DRD2: variants seen among roughly 807,000 people sequenced by gnomAD.
DRD2 encodes the protein dopamine receptor D2.
DRD2 carries 8 observed loss-of-function variants against 38.0 expected under a neutral mutation model. That is an observed-to-expected ratio of 0.21 (90% confidence interval 0.12 to 0.38). The LOEUF is 0.38. Ranked by LOEUF, DRD2 falls within the 10% of genes least tolerant of loss-of-function variation. DRD2 has a pLI of 1.00. For missense variants in DRD2, 403 were observed against 607.7 expected (o/e 0.66, Z 3.54); for synonymous variants, 230 against 238.6 (o/e 0.96, Z 0.33).
rs1591285612 is a variant in DRD2 at position 113,432,729 on chromosome 11, C to A, written c.-31-8047G>T. On this transcript the variant is annotated intron_variant, in intron 1 of 7. Transcript: ENST00000362072. ...TGGGTAAGAGGTTCCTTTCCAGGAC[C>A]CTGGCGATATAGGCCACCTGCCCCT... Among the ~76,000 whole-genome samples, 9 of 152,190 alleles carry A rather than the reference C, an allele frequency of 5.9e-5. No homozygotes were observed. In the South Asian group the frequency reaches 1.9e-3, roughly 32 times the overall value.
At chr11:113,442,040 C>T (rs542886449) in intron 1 of DRD2, among the ~76,000 whole-genome samples, 34 of 151,954 alleles carry the variant, frequency 2.2e-4, no homozygotes, top group Non-Finnish European at 3.4e-4. Flanking sequence ...TTAAAGATAA[C>T]GCACTGAAAT....
At position 113,420,258 on chromosome 11, in the gene DRD2, C is replaced by G. The variant is rs1188067440; in HGVS notation, c.286-2122G>C. On this transcript the variant is annotated intron_variant, in intron 2 of 7. Transcript: ENST00000362072. ...CTACAAACACTTATTGAGCAAATTA[C>G]TGTGTTCCAGCCTCTATCCTAGGCT... Among the ~76,000 whole-genome samples, 4 of 152,218 alleles carry G rather than the reference C, an allele frequency of 2.6e-5. No individual in the cohort carries two copies. In the East Asian group the frequency reaches 7.7e-4, roughly 29 times the overall value.
In DRD2 at chr11:113,415,120, G is replaced by A. The variant is rs530836367; in HGVS notation, c.723+301C>T. On this transcript the variant is annotated intron_variant, in intron 5 of 7. Transcript: ENST00000362072. ...GTGAGACAGAGAAACCAGAAAAGAG[G>A]AAGAGAGGAGCCCACGGGGGTACCA... Among the ~76,000 whole-genome samples, 86 of 152,190 alleles carry A rather than the reference G, an allele frequency of 5.7e-4. 2 individuals are homozygous for A. The South Asian group carries it at 0.017, about 29-fold the overall frequency.
intron 1 of DRD2, among the ~76,000 whole-genome samples, chr11:113,432,009 T>C (rs1461420063): frequency 6.6e-6 from 1 of 152,104 alleles, no homozygotes; most frequent in African/African-American, 2.4e-5. Context: ...AGATGAGGTA[T>C]GGAAGGGGCT....
At chr11:113,437,148 A>G (rs909737334) in intron 1 of DRD2, among the ~76,000 whole-genome samples, 1 of 152,212 alleles carries the variant, frequency 6.6e-6, no homozygotes, top group East Asian at 1.9e-4. Context: ...GCCAGGCACC[A>G]CGTGAAGTGC....
At chr11:113,421,694 G>GA (rs1204767973) in intron 2 of DRD2, among the ~76,000 whole-genome samples, 2 of 152,176 alleles carry the variant, frequency 1.3e-5, no homozygotes, top group African/African-American at 4.8e-5. Context: ...GGAACAGGAG[G>GA]AAAAAATCTG....
intron 2 of DRD2, among the ~76,000 whole-genome samples, chr11:113,418,804 G>A (rs1450542759): frequency 6.6e-6 from 1 of 152,160 alleles, no homozygotes; most frequent in Non-Finnish European, 1.5e-5. Context: ...AATCTGCCCT[G>A]CCTTGCACTT....
chr11:113,459,293 C>T (rs923762594), intron 1 of DRD2, among the ~76,000 whole-genome samples: 11 of 152,128 alleles, frequency 7.2e-5, no homozygotes, highest in Non-Finnish European at 1.6e-4. Flanking sequence ...AAAATGAACA[C>T]CTTAATAGAA....
chr11:113,473,952 T>C (rs1951452044), intron 1 of DRD2, among the ~76,000 whole-genome samples: 1 of 152,214 alleles, frequency 6.6e-6, no homozygotes. Flanking sequence ...AGGATTGGCC[T>C]AAAAGGTTTG....
At chr11:113,423,316 C>T (rs929418996) in intron 2 of DRD2, among the ~76,000 whole-genome samples, 1 of 152,014 alleles carries the variant, frequency 6.6e-6, no homozygotes, top group Non-Finnish European at 1.5e-5. Context: ...TGCTCTGTCG[C>T]CCAGGCTGGA....
intron 1 of DRD2, among the ~76,000 whole-genome samples, chr11:113,455,001 G>GT (rs1263362873): frequency 6.6e-6 from 1 of 152,144 alleles, no homozygotes; most frequent in Non-Finnish European, 1.5e-5. Flanking sequence ...ATACTTAAAT[G>GT]TAACACTTGA....
At chr11:113,472,276 C>G (rs1436701834) in intron 1 of DRD2, among the ~76,000 whole-genome samples, 1 of 152,184 alleles carries the variant, frequency 6.6e-6, no homozygotes, top group Non-Finnish European at 1.5e-5. Context: ...GAGATGGAAA[C>G]CATTCTCTCC....
chr11:113,445,099 A>C (rs765497861), intron 1 of DRD2, among the ~76,000 whole-genome samples: 1 of 152,200 alleles, frequency 6.6e-6, no homozygotes, highest in Non-Finnish European at 1.5e-5. Context: ...TTCTGAAAAC[A>C]CCTGACCAGC....
chr11:113,456,964 C>T (rs1301204516), intron 1 of DRD2, among the ~76,000 whole-genome samples: 2 of 152,178 alleles, frequency 1.3e-5, no homozygotes, highest in Non-Finnish European at 2.9e-5. Flanking sequence ...TGCACACATC[C>T]GACCTGCAGC....
rs3935565 is a variant in DRD2, at chr11:113,474,655, G to A, written c.-32+421C>T. Among the ~76,000 whole-genome samples, 1,474 of 152,106 alleles carry A rather than the reference G, an allele frequency of 9.7e-3. 33 individuals carry two copies. Among genetic ancestry groups the A allele is most frequent in the African/African-American group, 0.034 (1,407 of 41,516 alleles). On this transcript the variant is annotated intron_variant, in intron 1 of 7. Transcript: ENST00000362072. Reference sequence around the variant, plus strand: ...GCCCTTCTTCCTCCGGAAGAAGTCGGAAACTCTGGCCGCGAGCCCCGGGTC... The same window carrying A: ...GCCCTTCTTCCTCCGGAAGAAGTCGAAAACTCTGGCCGCGAGCCCCGGGTC...
chr11:113,471,144 A>G (rs1951420455), intron 1 of DRD2, among the ~76,000 whole-genome samples: 1 of 152,254 alleles, frequency 6.6e-6, no homozygotes, highest in Non-Finnish European at 1.5e-5. Flanking sequence ...TGCTGACACT[A>G]TAATCAAGCT....
chr11:113,463,912 T>C (rs1180443269), intron 1 of DRD2, among the ~76,000 whole-genome samples: 1 of 152,120 alleles, frequency 6.6e-6, no homozygotes, highest in Non-Finnish European at 1.5e-5. Flanking sequence ...CTGGGCTCTG[T>C]TTTAAAAGCT....
chr11:113,417,949 A>T lies in DRD2; in HGVS notation c.395+78T>A, dbSNP rs1950842486. ...GCACAGCATCACAGACACGAGACAC[A>T]GCCTGGCTTTGAGAAAAGCTGGGGC... On this transcript the variant is annotated intron_variant, in intron 3 of 7. Transcript: ENST00000362072. 22 of 1,188,946 alleles carry T rather than the reference A, an allele frequency of 1.9e-5. No homozygotes were observed. The South Asian group carries it at 2.7e-4, about 15-fold the overall frequency. 73.6% of individuals were successfully genotyped at this position (1,188,946 alleles called of 1,614,324 possible).
rs571103952 is a variant in DRD2 at position 113,459,076 on chromosome 11, G to A, written c.-32+16000C>T. Among the ~76,000 whole-genome samples the A allele has an allele frequency of 2.0e-5, 3 of 152,326 alleles. No homozygotes were observed. In the East Asian group the frequency reaches 5.8e-4, roughly 29 times the overall value. Reference sequence around the variant, plus strand: ...AACAGCTTCAGTTCTCACCACCTGTGTGGCCTTGATTAACACTTTACTTTC... The same window carrying A: ...AACAGCTTCAGTTCTCACCACCTGTATGGCCTTGATTAACACTTTACTTTC... On this transcript the variant is annotated intron_variant, in intron 1 of 7. Coordinates refer to ENST00000362072, the MANE Select transcript of DRD2 (RefSeq NM_000795.4).
Sources: gnomAD v4.1 joint callset for allele counts (sites outside exome capture counted in the v4.1 genomes callset) on GRCh38, gnomAD v4.1.1 for gene constraint, MANE v1.5 for transcripts, NCBI Gene and HGNC (gene_info 2026-07-23, HGNC 2026-07-21) for gene names.